Variants in VWA5B1 observed in about 807,000 individuals in gnomAD.
The protein encoded by VWA5B1 is von Willebrand factor A domain-containing protein 5B1.
In VWA5B1, 115 loss-of-function variants were observed where a neutral mutation model predicts 118.2. That is an observed-to-expected ratio of 0.97 (90% CI 0.84 to 1.14). VWA5B1 has a LOEUF of 1.14. Among genes scored for constraint, VWA5B1 ranks in the 50% most tolerant of loss-of-function variants. The pLI is 0.00. For missense variants in VWA5B1, 1,596 were observed against 1,603.8 expected (o/e 1.00, Z 0.08); for synonymous variants, 682 against 658.4 (o/e 1.04, Z -0.55).
intron 15 of VWA5B1, 146 bp from the exon 16 acceptor site, chr1:20,342,933 C>T: frequency 7.2e-7 from 1 of 1,380,066 alleles, no homozygotes; most frequent in Non-Finnish European, 9.6e-7. Flanking sequence ...CCTAGGAAAG[C>T]AGTTGGAGTT....
At chr1:20,324,886 G>C (rs573686103) in intron 8 of VWA5B1, among the ~76,000 whole-genome samples, 1 of 152,204 alleles carries the variant, frequency 6.6e-6, no homozygotes, top group Non-Finnish European at 1.5e-5. Flanking sequence ...CCTGCCCACC[G>C]TCAGAGGCAA....
intron 8 of VWA5B1, 134 bp from the exon 9 acceptor site, chr1:20,327,756 G>A: frequency 2.6e-6 from 2 of 758,248 alleles, no homozygotes; most frequent in African/African-American, 1.7e-5. Context: ...AAAAGGAGTT[G>A]CTGGGTGCAG....
intron 8 of VWA5B1, among the ~76,000 whole-genome samples, chr1:20,327,658 AT>A (rs935726779): frequency 6.7e-6 from 1 of 148,410 alleles, no homozygotes; most frequent in African/African-American, 2.5e-5. Context: ...GACGATGATG[AT>A]GATGATGGTG....
intron 7 of VWA5B1, among the ~76,000 whole-genome samples, chr1:20,321,637 C>T (rs971691936): frequency 1.3e-5 from 2 of 151,170 alleles, no homozygotes; most frequent in Admixed American, 6.6e-5. Context: ...TTGGAGAGGG[C>T]TGATATGATC....
rs1200830545 is a variant in VWA5B1, at chr1:20,358,222, C to G, written c.*3959C>G. Among the ~76,000 whole-genome samples the G allele has an allele frequency of 2.0e-5, 3 of 152,224 alleles. No homozygotes were observed. The highest frequency in any genetic ancestry group is 2.9e-5 in the Non-Finnish European group (2 of 68,046). On this transcript the variant is annotated 3_prime_UTR_variant, in exon 22 of 22. Transcript: ENST00000289815. ...CTGTGGCTGATGAATAGACTAGCTG[C>G]TTCCAAGACTCGATTCTGGTGGGCT...
intron 14 of VWA5B1, chr1:20,338,847 G>A (rs188424095): frequency 2.6e-5 from 4 of 152,230 alleles, no homozygotes; most frequent in East Asian, 1.9e-4. Context: ...TGTATTTTTA[G>A]TAGAGACAGG....
At chr1:20,321,576 T>C (rs1396958182) in intron 7 of VWA5B1, among the ~76,000 whole-genome samples, 3 of 151,878 alleles carry the variant, frequency 2.0e-5, no homozygotes, top group Non-Finnish European at 4.4e-5. Context: ...AGAGCGAGAC[T>C]CTGTCTCAAA....
intron 20 of VWA5B1, 140 bp from the exon 21 acceptor site, chr1:20,351,915 A>G (rs2090137900): frequency 4.9e-6 from 3 of 613,136 alleles, no homozygotes; most frequent in Non-Finnish European, 8.6e-6. Context: ...CCATGTTTCC[A>G]GGCTTCTGCT....
At chr1:20,308,892 C>G (rs2100830675) in intron 1 of VWA5B1, among the ~76,000 whole-genome samples, 1 of 152,284 alleles carries the variant, frequency 6.6e-6, no homozygotes, top group East Asian at 1.9e-4. Context: ...ACTGAACAGC[C>G]TTGCAAATAA....
At chr1:20,352,967 C>T (rs1044008478) in intron 21 of VWA5B1, among the ~76,000 whole-genome samples, 19 of 152,126 alleles carry the variant, frequency 1.2e-4, no homozygotes, top group African/African-American at 4.3e-4. Context: ...AGGAACCAGG[C>T]AATTCTAACC....
intron 1 of VWA5B1, among the ~76,000 whole-genome samples, chr1:20,308,088 A>G (rs1431820506): frequency 6.6e-6 from 1 of 152,122 alleles, no homozygotes; most frequent in Admixed American, 6.5e-5. Context: ...GTCCATGAGT[A>G]TACAAAGTTA....
chr1:20,346,107 A>G lies in VWA5B1; in HGVS notation c.2764+514A>G, dbSNP rs2090002882. On this transcript the variant is annotated intron_variant, in intron 17 of 21. Transcript: ENST00000289815. ...TGGGCGTGGAAAGTGCCACTCCATG[A>G]AATGAATCTATATCATTTTAATAGC... 2.0e-5 allele frequency among the ~76,000 whole-genome samples: 3 copies of G among 152,354 alleles called. No homozygotes were observed. In the South Asian group the frequency reaches 6.2e-4, roughly 32 times the overall value.
At chr1:20,333,650 C>T (rs1570169506) in intron 12 of VWA5B1, among the ~76,000 whole-genome samples, 1 of 152,200 alleles carries the variant, frequency 6.6e-6, no homozygotes, top group African/African-American at 2.4e-5. Flanking sequence ...CTCTAGTAAG[C>T]GCGTATCTCC....
At chr1:20,325,546 ACT>A (rs1404620887) in intron 8 of VWA5B1, among the ~76,000 whole-genome samples, 2 of 152,174 alleles carry the variant, frequency 1.3e-5, no homozygotes, top group Admixed American at 1.3e-4. Context: ...CCAGGCAGTT[ACT>A]ACCAGTTAAA....
intron 1 of VWA5B1, among the ~76,000 whole-genome samples, chr1:20,291,737 G>C (rs1033385): frequency 0.42 from 64,534 of 152,010 alleles, 15,251 homozygotes; most frequent in East Asian, 0.94. Flanking sequence ...ACCGGCCAAG[G>C]GCACACCCTT....
chr1:20,323,892 G>A (rs1209293719), intron 8 of VWA5B1, among the ~76,000 whole-genome samples: 5 of 152,208 alleles, frequency 3.3e-5, no homozygotes, highest in African/African-American at 7.2e-5. Flanking sequence ...GCCACTTAAC[G>A]TGAAGCTTGG....
Position 20,314,468 on chromosome 1 carries a change from A to C in VWA5B1, c.439A>C (p.Thr147Pro), listed in dbSNP as rs576166574. The C allele has an allele frequency of 1.9e-4, 289 of 1,551,482 alleles. 2 individuals are homozygous for C. In the East Asian group the frequency reaches 6.9e-3, roughly 37 times the overall value. Reference sequence around the variant, plus strand: ...GGAGAATGTCACCATCTTCATCAGCACCTCCTCGGAGCTCCCAACGCTGCC... The same window carrying C: ...GGAGAATGTCACCATCTTCATCAGCCCCTCCTCGGAGCTCCCAACGCTGCC... ...PMENVTIFIS[T>P]SSELPTLPSG... Residue 147 changes from threonine to proline, a missense_variant, in exon 4 of 22, where the codon ACC becomes CCC. Physicochemically the swap from Thr to Pro is conservative, Grantham distance 38 (BLOSUM62 -1). Coordinates refer to ENST00000289815, the MANE Select transcript of VWA5B1 (RefSeq NM_001039500.3).
intron 1 of VWA5B1, among the ~76,000 whole-genome samples, chr1:20,304,154 G>A (rs1409229986): frequency 6.6e-6 from 1 of 152,202 alleles, no homozygotes; most frequent in Non-Finnish European, 1.5e-5. Context: ...AGCCCCATGG[G>A]AAGTTAAAGC....
chr1:20,312,366 C>T (rs981972539), intron 2 of VWA5B1, among the ~76,000 whole-genome samples: 6 of 152,220 alleles, frequency 3.9e-5, no homozygotes, highest in African/African-American at 1.4e-4. Context: ...CCCCATCTTA[C>T]AGGTGGTGCC....
Sources: gnomAD v4.1 joint callset for allele counts (sites outside exome capture counted in the v4.1 genomes callset) on GRCh38, gnomAD v4.1.1 for gene constraint, MANE v1.5 for transcripts, NCBI Gene and HGNC (gene_info 2026-07-23, HGNC 2026-07-21) for gene names.